RAPGEF6: variants seen among roughly 807,000 people sequenced by gnomAD.
RAPGEF6 encodes Rap guanine nucleotide exchange factor 6.
A neutral mutation model predicts 171.4 loss-of-function variants in RAPGEF6; 56 were observed. The observed-to-expected ratio is 0.33, with a 90% confidence interval of 0.26 to 0.41. The LOEUF (loss-of-function observed/expected upper bound fraction) is 0.41. Ranked by LOEUF, RAPGEF6 falls within the 10% of genes least tolerant of loss-of-function variation. The pLI is 1.00. For missense variants in RAPGEF6, 1,674 were observed against 1,921.4 expected, an observed-to-expected ratio of 0.87 and a Z score of 2.41; for synonymous variants, 692 against 650.1, an observed-to-expected ratio of 1.06 and a Z score of -0.98.
intron 15 of RAPGEF6, among the ~76,000 whole-genome samples, chr5:131,481,984 TC>T (rs1755519042): frequency 6.6e-6 from 1 of 152,102 alleles, no homozygotes; most frequent in Non-Finnish European, 1.5e-5. Context: ...TCCCACAAAA[TC>T]AAAGAACTTA....
chr5:131,567,414 TG>T (rs1762019327), intron 4 of RAPGEF6, among the ~76,000 whole-genome samples: 1 of 152,234 alleles, frequency 6.6e-6, no homozygotes, highest in Non-Finnish European at 1.5e-5. Context: ...TAAATTTCCC[TG>T]AAAGTACTGC....
intron 11 of RAPGEF6, among the ~76,000 whole-genome samples, chr5:131,499,165 C>T (rs945141527): frequency 6.6e-6 from 1 of 152,204 alleles, no homozygotes; most frequent in Non-Finnish European, 1.5e-5. Context: ...TCCTTTTCTA[C>T]AGTTCCTCTC....
intron 5 of RAPGEF6, 104 bp from the exon 6 acceptor site, chr5:131,548,294 A>G (rs2149949657): frequency 8.7e-7 from 1 of 1,150,420 alleles, no homozygotes; most frequent in Non-Finnish European, 1.2e-6. Flanking sequence ...TTTACTTCTT[A>G]CAAGAAACTG....
chr5:131,577,000 C>G (rs558570696), intron 4 of RAPGEF6, among the ~76,000 whole-genome samples: 2 of 152,158 alleles, frequency 1.3e-5, no homozygotes, highest in Non-Finnish European at 2.9e-5. Context: ...GATCTGCCCC[C>G]ACACAAGACT....
At chr5:131,562,531 A>T (rs1451530669) in intron 4 of RAPGEF6, among the ~76,000 whole-genome samples, 3 of 152,366 alleles carry the variant, frequency 2.0e-5, no homozygotes, top group Admixed American at 6.5e-5. Flanking sequence ...TTGGTATCCA[A>T]CTGGGATTGG....
At chr5:131,471,548 A>AT (rs536132168) in intron 17 of RAPGEF6, among the ~76,000 whole-genome samples, 12 of 152,240 alleles carry the variant, frequency 7.9e-5, no homozygotes, top group East Asian at 5.8e-4. Context: ...TTGTAGAAGC[A>AT]TTTTTTCTCC....
chr5:131,517,156 A>T (rs1758141789), intron 7 of RAPGEF6, among the ~76,000 whole-genome samples: 2 of 152,140 alleles, frequency 1.3e-5, no homozygotes. Flanking sequence ...AAACCACCGA[A>T]TGGGTATTAT....
At chr5:131,591,795 C>T (rs1189095431) in intron 4 of RAPGEF6, among the ~76,000 whole-genome samples, 2 of 152,198 alleles carry the variant, frequency 1.3e-5, no homozygotes, top group Admixed American at 6.5e-5. Flanking sequence ...CACCTCTCTA[C>T]ACCCAATAAC....
chr5:131,545,008 G>C (rs2149944749), intron 6 of RAPGEF6, among the ~76,000 whole-genome samples: 1 of 152,124 alleles, frequency 6.6e-6, no homozygotes, highest in East Asian at 1.9e-4. Flanking sequence ...AATATGAGTA[G>C]TACATTACCT....
intron 21 of RAPGEF6, 194 bp from the exon 22 acceptor site, chr5:131,446,897 T>C (rs569014630): frequency 1.8e-6 from 1 of 568,190 alleles, no homozygotes; most frequent in East Asian, 3.1e-5. Context: ...TTTGGCAAAG[T>C]ACAGAATTCA....
At chr5:131,571,498 G>A (rs1762281685) in intron 4 of RAPGEF6, among the ~76,000 whole-genome samples, 1 of 152,174 alleles carries the variant, frequency 6.6e-6, no homozygotes, top group Admixed American at 6.5e-5. Flanking sequence ...TAATAAGGTT[G>A]CAAGATGTAA....
chr5:131,610,477 G>A, intron 1 of RAPGEF6, among the ~76,000 whole-genome samples: 1 of 152,208 alleles, frequency 6.6e-6, no homozygotes, highest in African/African-American at 2.4e-5. Flanking sequence ...AGAGGAATGT[G>A]TGGAATCCAC....
intron 1 of RAPGEF6, among the ~76,000 whole-genome samples, chr5:131,620,096 A>G (rs1174371128): frequency 6.6e-6 from 1 of 152,032 alleles, no homozygotes; most frequent in Non-Finnish European, 1.5e-5. Context: ...GCTTTTTTTC[A>G]GTTTTTACTT....
chr5:131,450,825 C>T (rs1753016167), intron 21 of RAPGEF6, among the ~76,000 whole-genome samples: 1 of 152,098 alleles, frequency 6.6e-6, no homozygotes, highest in Non-Finnish European at 1.5e-5. Context: ...TTTTTATTTT[C>T]CCCCAATACC....
intron 6 of RAPGEF6, among the ~76,000 whole-genome samples, chr5:131,541,376 A>T (rs1291720684): frequency 6.6e-6 from 1 of 152,252 alleles, no homozygotes; most frequent in African/African-American, 2.4e-5. Context: ...AGCCAATAAG[A>T]GCCTTCCAGG....
At chr5:131,429,577 A>G (rs1751573460) in intron 26 of RAPGEF6, among the ~76,000 whole-genome samples, 1 of 152,008 alleles carries the variant, frequency 6.6e-6, no homozygotes, top group Non-Finnish European at 1.5e-5. Context: ...CACCCTACAC[A>G]CCGATTCTCT....
intron 1 of RAPGEF6, among the ~76,000 whole-genome samples, chr5:131,606,101 G>A (rs1173458490): frequency 1.3e-5 from 2 of 149,994 alleles, no homozygotes; most frequent in South Asian, 2.1e-4. Flanking sequence ...AGTGGCTCTC[G>A]CCTGTAATCC....
chr5:131,559,891 A>G (rs1037410764), intron 5 of RAPGEF6, among the ~76,000 whole-genome samples: 3 of 152,110 alleles, frequency 2.0e-5, no homozygotes, highest in African/African-American at 7.2e-5. Context: ...ATTACTTTAC[A>G]ATGTGTCAGA....
At chr5:131,524,180 C>T (rs1170489075) in intron 6 of RAPGEF6, among the ~76,000 whole-genome samples, 1 of 151,946 alleles carries the variant, frequency 6.6e-6, no homozygotes, top group Non-Finnish European at 1.5e-5. Flanking sequence ...CTTTCAGGAA[C>T]AAGAAAGAAG....
Sources: gnomAD v4.1 joint callset for allele counts (sites outside exome capture counted in the v4.1 genomes callset) on GRCh38, gnomAD v4.1.1 for gene constraint, MANE v1.5 for transcripts, NCBI Gene and HGNC (gene_info 2026-07-23, HGNC 2026-07-21) for gene names.